Variants in MBNL1 observed in about 807,000 individuals in gnomAD.
The protein encoded by MBNL1 is muscleblind-like protein 1.
MBNL1 carries 8 observed loss-of-function variants against 42.2 expected under a neutral mutation model. That is an observed-to-expected ratio of 0.19 (90% confidence interval 0.11 to 0.34). The LOEUF (loss-of-function observed/expected upper bound fraction) is 0.34, where lower values mean the gene tolerates loss of function less well. Among genes scored for constraint, MBNL1 ranks in the 10% least tolerant of loss-of-function variants. The pLI, the probability that MBNL1 is intolerant of heterozygous loss-of-function variation, is 1.00. For missense variants in MBNL1, 309 were observed against 495.3 expected, an observed-to-expected ratio of 0.62 and a Z score of 3.57; for synonymous variants, 169 against 173.9, an observed-to-expected ratio of 0.97 and a Z score of 0.22.
chr3:152,245,826 A>G (rs901765331), intron 2 of MBNL1, among the ~76,000 whole-genome samples: 1 of 152,178 alleles, frequency 6.6e-6, no homozygotes, highest in Non-Finnish European at 1.5e-5. Context: ...TGTTGAATCA[A>G]ATTTGACATA....
At chr3:152,293,636 A>C (rs1421871521) in intron 1 of MBNL1, among the ~76,000 whole-genome samples, 1 of 152,206 alleles carries the variant, frequency 6.6e-6, no homozygotes, top group Non-Finnish European at 1.5e-5. Flanking sequence ...TTAATAAACA[A>C]AAATCATAAT....
At chr3:152,378,837 C>G (rs946206489) in intron 2 of MBNL1, among the ~76,000 whole-genome samples, 1 of 152,172 alleles carries the variant, frequency 6.6e-6, no homozygotes, top group Non-Finnish European at 1.5e-5. Context: ...CTATCTCAGG[C>G]TCTCAAGTAC....
intron 9 of MBNL1, 65 bp downstream of exon 9, chr3:152,459,410 T>C: frequency 1.2e-6 from 1 of 856,800 alleles, no homozygotes; most frequent in Non-Finnish European, 1.7e-6. Flanking sequence ...AGCAATTGTA[T>C]AGTGCACTTA....
chr3:152,418,047 G>A (rs2098732891), intron 3 of MBNL1, among the ~76,000 whole-genome samples: 1 of 152,152 alleles, frequency 6.6e-6, no homozygotes, highest in African/African-American at 2.4e-5. Flanking sequence ...TATACACTTT[G>A]TGAGCTTCTA....
At chr3:152,273,060 C>T (rs1450395085) in intron 1 of MBNL1, among the ~76,000 whole-genome samples, 1 of 152,102 alleles carries the variant, frequency 6.6e-6, no homozygotes, top group Admixed American at 6.5e-5. Context: ...CATCTTGAGT[C>T]TGTCTTCCAC....
chr3:152,402,416 A>G (rs2098265912), intron 2 of MBNL1, among the ~76,000 whole-genome samples: 1 of 152,244 alleles, frequency 6.6e-6, no homozygotes, highest in Non-Finnish European at 1.5e-5. Context: ...GTTCATAAAT[A>G]TCAAAGTTGG....
chr3:152,391,452 A>G (rs2097714033), intron 2 of MBNL1, among the ~76,000 whole-genome samples: 1 of 152,022 alleles, frequency 6.6e-6, no homozygotes, highest in Non-Finnish European at 1.5e-5. Flanking sequence ...TTTTTCTTCC[A>G]GTTCTTCATA....
chr3:152,316,672 G>A (rs2071748936), intron 2 of MBNL1, among the ~76,000 whole-genome samples: 1 of 152,044 alleles, frequency 6.6e-6, no homozygotes, highest in Non-Finnish European at 1.5e-5. Context: ...GTGTGCCTCT[G>A]ATTAACAACC....
chr3:152,292,415 C>T (rs2151063283), intron 1 of MBNL1, among the ~76,000 whole-genome samples: 1 of 152,354 alleles, frequency 6.6e-6, no homozygotes, highest in South Asian at 2.1e-4. Flanking sequence ...GACACTCCTT[C>T]ATTATCCTTC....
chr3:152,346,427 G>T (rs546088427), intron 2 of MBNL1, among the ~76,000 whole-genome samples: 1 of 152,046 alleles, frequency 6.6e-6, no homozygotes, highest in East Asian at 1.9e-4. Context: ...TAAAAACGCA[G>T]TTTTCCTTCT....
At chr3:152,297,370 G>A in intron 1 of MBNL1, among the ~76,000 whole-genome samples, 1 of 135,622 alleles carries the variant, frequency 7.4e-6, no homozygotes, top group East Asian at 2.2e-4. Flanking sequence ...TTTTGATGGA[G>A]TCTCACACTG....
Position 152,299,777 on chromosome 3 carries a change from T to G in MBNL1, c.-417T>G. The stretch of plus-strand genomic sequence containing the variant: ...ATTGCAAATTCAGCTGTGAGGAGAT[T>G]CCCTTTCAGACAACTTTGCTGAAAG... On this transcript the variant is annotated 5_prime_UTR_variant, in exon 2 of 10. In the 5' UTR this introduces an upstream ATG that the reference lacks. Transcript: ENST00000324210. 1 of 401,574 alleles carries G rather than the reference T, an allele frequency of 2.5e-6. No homozygotes were observed. The highest frequency in any genetic ancestry group is 4.4e-6 in the Non-Finnish European group (1 of 228,046). 24.9% of individuals were successfully genotyped at this position (401,574 alleles called of 1,614,324 possible). A position where few individuals can be genotyped will look rare whatever the true frequency, so the allele number is the denominator to read the frequency against.
chr3:152,320,373 A>G (rs1009322791), intron 2 of MBNL1, among the ~76,000 whole-genome samples: 1 of 152,090 alleles, frequency 6.6e-6, no homozygotes, highest in African/African-American at 2.4e-5. Flanking sequence ...TGTTGATGTA[A>G]ATTTCTAGAA....
intron 2 of MBNL1, among the ~76,000 whole-genome samples, chr3:152,257,689 A>G (rs932119450): frequency 3.5e-4 from 54 of 152,200 alleles, no homozygotes; most frequent in African/African-American, 1.3e-3. Context: ...TAGGAGTAAG[A>G]GCTTAAAAAC....
chr3:152,285,629 A>ATTT (rs35445762), intron 1 of MBNL1, among the ~76,000 whole-genome samples: 24 of 128,990 alleles, frequency 1.9e-4, no homozygotes, highest in Middle Eastern at 4.1e-3. Flanking sequence ...TTTTTTTTCA[A>ATTT]TTTTTTTTTT....
At chr3:152,401,133 A>T (rs1336453086) in intron 2 of MBNL1, among the ~76,000 whole-genome samples, 1 of 152,236 alleles carries the variant, frequency 6.6e-6, no homozygotes, top group African/African-American at 2.4e-5. Context: ...AAGTGATGTG[A>T]TAGCTGGACA....
At chr3:152,294,537 G>C (rs2151183877) in intron 1 of MBNL1, among the ~76,000 whole-genome samples, 1 of 152,136 alleles carries the variant, frequency 6.6e-6, no homozygotes, top group Non-Finnish European at 1.5e-5. Context: ...GCCTGCCTCG[G>C]CCTCCCAAAG....
intron 6 of MBNL1, among the ~76,000 whole-genome samples, chr3:152,450,695 T>C (rs1721042783): frequency 6.6e-6 from 1 of 152,186 alleles, no homozygotes; most frequent in African/African-American, 2.4e-5. Flanking sequence ...AAACCACAAT[T>C]GATTGTGTAT....
At chr3:152,442,936 CTA>C (rs2099162795) in intron 4 of MBNL1, among the ~76,000 whole-genome samples, 1 of 151,706 alleles carries the variant, frequency 6.6e-6, no homozygotes, top group Non-Finnish European at 1.5e-5. Flanking sequence ...TGTTTCTGTC[CTA>C]TTTCTTAGGA....
Sources: allele counts gnomAD v4.1 joint callset (sites outside exome capture counted in the v4.1 genomes callset), GRCh38; gene constraint gnomAD v4.1.1; transcripts MANE v1.5; gene names NCBI Gene and HGNC (gene_info 2026-07-23, HGNC 2026-07-21).